SLC34A3: variants seen among roughly 807,000 people sequenced by gnomAD.
The protein encoded by SLC34A3 is sodium-dependent phosphate transport protein 2C.
In SLC34A3, 60 loss-of-function variants were observed where a neutral mutation model predicts 43.9. That is an observed-to-expected ratio of 1.37 (90% CI 1.11 to 1.70). SLC34A3 has a LOEUF of 1.70. Ranked by LOEUF, SLC34A3 falls within the 40% of genes most tolerant of loss-of-function variation. SLC34A3 has a pLI of 0.00. For synonymous variants in SLC34A3, 451 were observed against 386.2 expected (o/e 1.17, Z -1.97); for missense variants, 969 against 823.8 (o/e 1.18, Z -2.16).
At position 137,233,402 on chromosome 9, in the gene SLC34A3, C is replaced by G; in HGVS notation, c.754C>G (p.Gln252Glu). The change falls in exon 7 of 13, where the codon CAG becomes GAG. Residue 252 changes from glutamine (Q) to glutamate (E), a missense_variant and splice_region_variant. Physicochemically the swap from Gln to Glu is conservative, Grantham distance 29 (BLOSUM62 2). Coordinates refer to ENST00000673835, the MANE Select transcript of SLC34A3 (RefSeq NM_001177316.2). ...GAAGCCGCTCACACACCTCATCGTG[C>G]AGGTGAGGACGGCCACCGCCCCCGC... ...LTKPLTHLIVQLDSDMIMSSA... is the reference protein window; with the variant it reads ...LTKPLTHLIVELDSDMIMSSA... 6.2e-7 allele frequency: 1 copy of G among 1,602,014 alleles called. No homozygotes were observed. The highest frequency in any genetic ancestry group is 8.5e-7 in the Non-Finnish European group (1 of 1,176,312).
At position 137,232,575 on chromosome 9, in the gene SLC34A3, A is replaced by T. The variant is rs761399770; in HGVS notation, c.176A>T (p.Glu59Val). The T allele has an allele frequency of 6.2e-7, 1 of 1,611,560 alleles. No individual in the cohort carries two copies. Among genetic ancestry groups the T allele is most frequent in the Admixed American group, 1.7e-5 (1 of 59,956 alleles). Reference sequence around the variant, plus strand: ...GGGACAGCCTGCCCTGTGTCCTCAGAGCTCCGCGTGGCCGGCAGGCTGCGC... The same window carrying T: ...GGGACAGCCTGCCCTGTGTCCTCAGTGCTCCGCGTGGCCGGCAGGCTGCGC... The part of the protein sequence containing the change: ...QLKDTSQPWK[E>V]LRVAGRLRRV... The change falls in exon 4 of 13, where the codon GAG (glutamate) becomes GTG (valine). Residue 59 changes from glutamate to valine, a missense_variant and splice_region_variant. Coordinates refer to ENST00000673835, the MANE Select transcript of SLC34A3 (RefSeq NM_001177316.2).
chr9:137,233,779 TCCC>T, intron 8 of SLC34A3, 57 bp downstream of exon 8: 1 of 1,445,794 alleles, frequency 6.9e-7, no homozygotes. Context: ...TGCTGAGTCA[TCCC>T]GCCCCACCCA....
rs769955447 is a variant in SLC34A3 at position 137,232,867 on chromosome 9, G to A, written c.388G>A (p.Ala130Thr). Residue 130 changes from alanine (A) to threonine (T), a missense_variant, in exon 5 of 13, where the codon GCC becomes ACC. By Grantham distance (58) the Ala-to-Thr change is moderately conservative. Coordinates refer to ENST00000673835, the MANE Select transcript of SLC34A3 (RefSeq NM_001177316.2). The stretch of plus-strand genomic sequence containing the variant: ...ACTGGTCATTGGCGTGCTGGTCACA[G>A]CCCTGGTGCAGAGTTCCAGCACGTC... ...AGLVIGVLVTALVQSSSTSSS... is the reference protein window; with the variant it reads ...AGLVIGVLVTTLVQSSSTSSS... 2 of 1,612,314 alleles carry A rather than the reference G, an allele frequency of 1.2e-6. No individual in the cohort carries two copies. The highest frequency in any genetic ancestry group is 3.3e-5 in the Admixed American group (2 of 59,936).
Position 137,234,305 on chromosome 9 carries a change from C to G in SLC34A3, c.1093+29C>G. Reference sequence around the variant, plus strand: ...AGGGCGTGGGAGGAGGTGCGGTGGCCAGGGCTGACCCAGCATCCCCCATAG... The same window carrying G: ...AGGGCGTGGGAGGAGGTGCGGTGGCGAGGGCTGACCCAGCATCCCCCATAG... On this transcript the variant is annotated intron_variant, in intron 10 of 12. Transcript: ENST00000673835. This position sits in a 1 kb window ranked among gnomAD's most constrained non-coding sequence, Gnocchi z 6.9. The G allele has an allele frequency of 6.2e-7, 1 of 1,607,354 alleles. No individual in the cohort carries two copies.
chr9:137,234,509 C>T lies in SLC34A3; in HGVS notation c.1187C>T (p.Thr396Met), dbSNP rs138798032. The T allele has an allele frequency of 1.7e-4, 276 of 1,604,376 alleles. No individual in the cohort carries two copies. Among genetic ancestry groups the T allele is most frequent in the Non-Finnish European group, 2.1e-4 (253 of 1,177,946 alleles). ...TFALQSSSVF[T>M]AAVVPLMGVG... ...GCACTGCAGAGCAGCAGCGTCTTCA[C>T]GGCGGCCGTCGTGCCCCTCATGGGT... The change falls in exon 11 of 13, where the codon ACG becomes ATG. Residue 396 changes from threonine (T) to methionine (M), a missense_variant. Thr to Met is a moderately conservative substitution (Grantham distance 81, BLOSUM62 -1). Coordinates refer to ENST00000673835, the MANE Select transcript of SLC34A3 (RefSeq NM_001177316.2). The surrounding 1 kb of genome is among the most constrained non-coding windows in gnomAD (Gnocchi z 6.9).
rs1336771553 is a variant in SLC34A3, at chr9:137,233,240, T to C, written c.592T>C (p.Phe198Leu). ...CAGCGGCTCGGCGGTGCACGGGATC[T>C]TCAACTGGCTCACAGTGCTGGTCCT... is the stretch of plus-strand genomic sequence containing the variant. ...AFSGSAVHGIFNWLTVLVLLP... is the reference protein window; with the variant it reads ...AFSGSAVHGILNWLTVLVLLP... The change falls in exon 7 of 13, where the codon TTC (phenylalanine) becomes CTC (leucine). Residue 198 changes from phenylalanine (F) to leucine (L), a missense_variant. By Grantham distance (22) the Phe-to-Leu change is conservative (BLOSUM62 0). Coordinates refer to ENST00000673835, the MANE Select transcript of SLC34A3 (RefSeq NM_001177316.2). 6.3e-7 allele frequency: 1 copy of C among 1,577,112 alleles called. No individual in the cohort carries two copies.
intron 7 of SLC34A3, 64 bp downstream of exon 7, chr9:137,233,468 C>A (rs985491378): frequency 1.3e-6 from 2 of 1,581,790 alleles, no homozygotes; most frequent in Admixed American, 1.8e-5. Flanking sequence ...AGGGGAGGCC[C>A]GCCCTGCCCT....
Position 137,233,337 on chromosome 9 carries a change from C to T in SLC34A3, c.689C>T (p.Thr230Ile). ...CTAGCCCTGGGTGCCGCCAGCCTGACACCCAGGGCGCAGGCGCCCGACATC... is the reference window on the plus strand; with the variant it reads ...CTAGCCCTGGGTGCCGCCAGCCTGATACCCAGGGCGCAGGCGCCCGACATC... ...SELALGAASL[T>I]PRAQAPDILK... The change falls in exon 7 of 13, where the codon ACA (threonine) becomes ATA (isoleucine). Residue 230 changes from threonine to isoleucine, a missense_variant. By Grantham distance (89) the Thr-to-Ile change is moderately conservative. Coordinates refer to ENST00000673835, the MANE Select transcript of SLC34A3 (RefSeq NM_001177316.2). The T allele has an allele frequency of 1.2e-6, 2 of 1,605,008 alleles. No individual in the cohort carries two copies. Among genetic ancestry groups the T allele is most frequent in the Non-Finnish European group, 1.7e-6 (2 of 1,176,706 alleles).
rs1836501217 is a variant in SLC34A3, at chr9:137,234,974, C to T, written c.1335+243C>T. On this transcript the variant is annotated intron_variant, in intron 12 of 12. Coordinates refer to ENST00000673835, the MANE Select transcript of SLC34A3 (RefSeq NM_001177316.2). The surrounding 1 kb of genome is among the most constrained non-coding windows in gnomAD (Gnocchi z 6.9). ...TCCTCACTTCCACATTTTCTCAGCT[C>T]TTTGCTGTGTCCCTGGGGGCCTGCC... 6.6e-6 allele frequency among the ~76,000 whole-genome samples: 1 copy of T among 152,170 alleles called. No individual in the cohort carries two copies. The highest frequency in any genetic ancestry group is 1.5e-5 in the Non-Finnish European group (1 of 68,004).
Position 137,234,221 on chromosome 9 carries a change from C to T in SLC34A3, c.1038C>T (p.Leu346=), listed in dbSNP as rs773347649. 3.7e-5 allele frequency: 60 copies of T among 1,609,050 alleles called. No individual in the cohort carries two copies. Among genetic ancestry groups the T allele is most frequent in the Non-Finnish European group, 4.7e-5 (55 of 1,178,886 alleles). ...CGCLVLIVKL[L]NSVLRGRVAQ... is the part of the protein sequence containing the mutation. ...GCCTGGTCCTCATAGTCAAGCTGCTCAACTCTGTGCTGCGCGGCCGCGTGG... is the reference window on the plus strand; with the variant it reads ...GCCTGGTCCTCATAGTCAAGCTGCTTAACTCTGTGCTGCGCGGCCGCGTGG... The change falls in exon 10 of 13, where the codon CTC becomes CTT. Residue 346 remains leucine, a synonymous_variant. Transcript: ENST00000673835. The surrounding 1 kb of genome is among the most constrained non-coding windows in gnomAD (Gnocchi z 6.9).
rs1014119620 is a variant in SLC34A3, at chr9:137,236,484, G to A, written c.*68G>A. On this transcript the variant is annotated 3_prime_UTR_variant, in exon 13 of 13. Transcript: ENST00000673835. ...AGGGCTCTGGAGGGCCCTGGAGGGG[G>A]GGTCCCCGCGGCAGCTGACCTCCGG... is the stretch of plus-strand genomic sequence containing the variant. The A allele has an allele frequency of 5.1e-6, 7 of 1,363,736 alleles. No individual in the cohort carries two copies. The highest frequency in any genetic ancestry group is 6.1e-6 in the Non-Finnish European group (6 of 991,352). The allele number at this position is 1,363,736 out of a possible 1,614,324, so 84.5% of individuals were successfully genotyped here. A position where few individuals can be genotyped will look rare whatever the true frequency, so the allele number is the denominator to read the frequency against.
chr9:137,233,800 C>CCCCCCCCCCCCCCCCCCCCCTT, intron 8 of SLC34A3, 63 bp from the exon 9 acceptor site: 1 of 1,514,470 alleles, frequency 6.6e-7, no homozygotes, highest in Non-Finnish European at 9.0e-7. Flanking sequence ...CCACCCTCAC[C>CCCCCCCCCCCCCCCCCCCCCTT]TCGAGCCCTC....
chr9:137,233,779 T>TTTGGCCCCC, intron 8 of SLC34A3, 57 bp downstream of exon 8: 2 of 1,445,824 alleles, frequency 1.4e-6, no homozygotes, highest in Non-Finnish European at 1.9e-6. Flanking sequence ...TGCTGAGTCA[T>TTTGGCCCCC]CCCGCCCCAC....
At chr9:137,235,816 C>A in intron 12 of SLC34A3, 136 bp from the exon 13 acceptor site, 1 of 787,868 alleles carries the variant, frequency 1.3e-6, no homozygotes, top group South Asian at 1.6e-5. Context: ...GCCTCCCAGA[C>A]GGCCATCTCA....
Position 137,233,955 on chromosome 9 carries a change from C to T in SLC34A3, c.925+14C>T. 6.5e-7 allele frequency: 1 copy of T among 1,534,060 alleles called. No homozygotes were observed. Among genetic ancestry groups the T allele is most frequent in the Non-Finnish European group, 8.8e-7 (1 of 1,138,588 alleles). ...ACAGGCTGCCCTGTGAGGCCCGGCC[C>T]ACCCCAAGCCCCCTACACCCCCCAC... On this transcript the variant is annotated intron_variant, in intron 9 of 12. Coordinates refer to ENST00000673835, the MANE Select transcript of SLC34A3 (RefSeq NM_001177316.2).
chr9:137,232,191 C>T (rs763470333), intron 3 of SLC34A3, 30 bp downstream of exon 3: 14 of 1,597,364 alleles, frequency 8.8e-6, no homozygotes, highest in South Asian at 1.1e-5. Flanking sequence ...GGGTGGCAGG[C>T]TGGCAGGCCT....
chr9:137,233,513 T>C, intron 7 of SLC34A3, 109 bp downstream of exon 7: 2 of 1,553,838 alleles, frequency 1.3e-6, no homozygotes, highest in Admixed American at 3.4e-5. Flanking sequence ...GGCCCTGTCC[T>C]GGGACAGGGG....
Position 137,232,645 on chromosome 9 carries a change from C to G in SLC34A3, c.246C>G (p.Ser82Arg). The G allele has an allele frequency of 3.7e-6, 6 of 1,612,740 alleles. No homozygotes were observed. The highest frequency in any genetic ancestry group is 5.1e-6 in the Non-Finnish European group (6 of 1,179,904). The change falls in exon 4 of 13, where the codon AGC becomes AGG. Residue 82 changes from serine to arginine, a missense_variant. Ser to Arg is a moderately radical substitution (Grantham distance 110, BLOSUM62 -1). Coordinates refer to ENST00000673835, the MANE Select transcript of SLC34A3 (RefSeq NM_001177316.2). The stretch of plus-strand genomic sequence containing the variant: ...TCAAGGCCTGCGGGCTCCTCGGCAG[C>G]CTGTACTTCTTCATCTGCTCTCTGG... ...SVLKACGLLG[S>R]LYFFICSLDV... is the part of the protein sequence containing the mutation.
upstream of SLC34A3, among the ~76,000 whole-genome samples, chr9:137,230,469 C>A (rs993324162): frequency 2.0e-5 from 3 of 152,200 alleles, no homozygotes; most frequent in Admixed American, 1.3e-4. Context: ...CCTGCTCTGC[C>A]GAGGGCAGGG....
Sources: gnomAD v4.1 joint callset for allele counts (sites outside exome capture counted in the v4.1 genomes callset) on GRCh38, gnomAD v4.1.1 for gene constraint, Gnocchi (gnomAD v3.1) non-coding constraint, MANE v1.5 for transcripts, NCBI Gene and HGNC (gene_info 2026-07-23, HGNC 2026-07-21) for gene names.